Variants in SPIDR observed in about 807,000 individuals in gnomAD.
The protein encoded by SPIDR is scaffold protein involved in DNA repair.
A neutral mutation model predicts 104.6 loss-of-function variants in SPIDR; 93 were observed. The ratio of observed to expected loss-of-function variants is 0.89; its 90% CI spans 0.75 to 1.06. The LOEUF (loss-of-function observed/expected upper bound fraction) is 1.06. Ranked by LOEUF, SPIDR falls within the 50% of genes least tolerant of loss-of-function variation. The probability of loss-of-function intolerance (pLI) is 0.00; values close to 1 mark genes in which losing one functional copy is unlikely to be tolerated. For synonymous variants in SPIDR, 431 were observed against 416.9 expected (o/e 1.03, Z -0.41); for missense variants, 1,154 against 1,111.2 (o/e 1.04, Z -0.55).
intron 19 of SPIDR, among the ~76,000 whole-genome samples, chr8:47,731,056 G>C (rs978927741): frequency 6.6e-6 from 1 of 151,980 alleles, no homozygotes; most frequent in Non-Finnish European, 1.5e-5. Context: ...TCAGGAGTTC[G>C]AGACCAGCCT....
At chr8:47,465,946 A>G (rs2074705010) in intron 8 of SPIDR, among the ~76,000 whole-genome samples, 1 of 152,210 alleles carries the variant, frequency 6.6e-6, no homozygotes, top group Non-Finnish European at 1.5e-5. Flanking sequence ...CATAATGGTA[A>G]AGGGTTCAAT....
intron 8 of SPIDR, among the ~76,000 whole-genome samples, chr8:47,504,505 T>C (rs1482689868): frequency 6.6e-6 from 1 of 152,220 alleles, no homozygotes; most frequent in Non-Finnish European, 1.5e-5. Context: ...TAAGGACTTC[T>C]CTGCATTGGT....
At chr8:47,676,882 G>A (rs376035749) in intron 11 of SPIDR, among the ~76,000 whole-genome samples, 2 of 152,348 alleles carry the variant, frequency 1.3e-5, no homozygotes, top group South Asian at 2.1e-4. Flanking sequence ...AGGGAGCACC[G>A]CTCCAGCCAC....
intron 8 of SPIDR, among the ~76,000 whole-genome samples, chr8:47,576,871 G>A (rs1296081377): frequency 6.6e-6 from 1 of 152,096 alleles, no homozygotes; most frequent in East Asian, 1.9e-4. Context: ...TGATATTATG[G>A]CTTGTATGTG....
intron 7 of SPIDR, among the ~76,000 whole-genome samples, chr8:47,434,961 G>A (rs1554691301): frequency 3.3e-5 from 5 of 151,852 alleles, no homozygotes; most frequent in African/African-American, 1.2e-4. Context: ...ATTGTTTTGT[G>A]TTTCTTTTTT....
At chr8:47,553,724 G>A (rs1371398632) in intron 8 of SPIDR, among the ~76,000 whole-genome samples, 3 of 152,132 alleles carry the variant, frequency 2.0e-5, no homozygotes, top group East Asian at 1.9e-4. Flanking sequence ...TTGTTGTTAC[G>A]ATCATCTGAA....
chr8:47,627,223 C>T (rs1275700901), intron 10 of SPIDR, among the ~76,000 whole-genome samples: 1 of 152,060 alleles, frequency 6.6e-6, no homozygotes, highest in Non-Finnish European at 1.5e-5. Flanking sequence ...GAAGATCACA[C>T]TCTGGGGACT....
intron 11 of SPIDR, among the ~76,000 whole-genome samples, chr8:47,691,706 C>A (rs2078680877): frequency 1.3e-5 from 2 of 152,232 alleles, no homozygotes; most frequent in South Asian, 4.1e-4. Flanking sequence ...CAGGTGCTGT[C>A]TCTGTCCTCT....
intron 5 of SPIDR, among the ~76,000 whole-genome samples, chr8:47,385,443 G>A (rs947223348): frequency 2.6e-5 from 4 of 152,176 alleles, no homozygotes; most frequent in Non-Finnish European, 4.4e-5. Flanking sequence ...AGTATGCTAC[G>A]CTATGCCTTC....
At chr8:47,350,417 G>A (rs1340799236) in intron 5 of SPIDR, among the ~76,000 whole-genome samples, 1 of 152,180 alleles carries the variant, frequency 6.6e-6, no homozygotes, top group Non-Finnish European at 1.5e-5. Flanking sequence ...GGGTTCAAGC[G>A]ATTCTTCTGC....
At chr8:47,702,434 C>T (rs763259287) in intron 14 of SPIDR, among the ~76,000 whole-genome samples, 1 of 152,140 alleles carries the variant, frequency 6.6e-6, no homozygotes, top group Non-Finnish European at 1.5e-5. Flanking sequence ...AAGTGGGAAT[C>T]TCAGGATCGA....
At chr8:47,663,979 T>A (rs752552098) in intron 10 of SPIDR, among the ~76,000 whole-genome samples, 24 of 152,222 alleles carry the variant, frequency 1.6e-4, no homozygotes, top group Admixed American at 7.2e-4. Flanking sequence ...AGAAACATTC[T>A]ATGAATGGAA....
intron 8 of SPIDR, among the ~76,000 whole-genome samples, chr8:47,576,833 A>G (rs1293723150): frequency 6.6e-6 from 1 of 152,236 alleles, no homozygotes; most frequent in African/African-American, 2.4e-5. Flanking sequence ...ACCTGTATAC[A>G]AGATAAAATG....
intron 7 of SPIDR, 93 bp from the exon 8 acceptor site, chr8:47,440,230 G>A: frequency 1.7e-5 from 19 of 1,095,742 alleles, no homozygotes; most frequent in Non-Finnish European, 2.0e-5. Flanking sequence ...AGTGCTATCT[G>A]CATGTGGATC....
chr8:47,389,494 C>T (rs1170223873), intron 5 of SPIDR, among the ~76,000 whole-genome samples: 4 of 151,822 alleles, frequency 2.6e-5, no homozygotes, highest in Non-Finnish European at 1.5e-5. Flanking sequence ...TCAAGACCAT[C>T]CTGGCTAACA....
intron 11 of SPIDR, among the ~76,000 whole-genome samples, chr8:47,686,970 C>T (rs2077911011): frequency 6.6e-6 from 1 of 150,774 alleles, no homozygotes; most frequent in Non-Finnish European, 1.5e-5. Context: ...TACTTAGATA[C>T]TTATTAACAA....
At chr8:47,654,278 G>A (rs995956966) in intron 10 of SPIDR, 3 of 811,180 alleles carry the variant, frequency 3.7e-6, no homozygotes, top group Non-Finnish European at 5.3e-6. Context: ...ATCCATGTAG[G>A]TGGCAGGAAG....
intron 10 of SPIDR, chr8:47,654,198 C>A (rs892146310): frequency 3.0e-5 from 38 of 1,282,332 alleles, no homozygotes; most frequent in Non-Finnish European, 3.9e-5. Context: ...ACTGTAGCAG[C>A]AACCTGCAGG....
chr8:47,401,328 G>C (rs1327344826), intron 6 of SPIDR, among the ~76,000 whole-genome samples: 2 of 152,144 alleles, frequency 1.3e-5, no homozygotes, highest in Non-Finnish European at 2.9e-5. Context: ...AGCTCCTGAA[G>C]AAAGCACTAA....
Sources: gnomAD v4.1 joint callset for allele counts (sites outside exome capture counted in the v4.1 genomes callset) on GRCh38, gnomAD v4.1.1 for gene constraint, MANE v1.5 for transcripts, NCBI Gene and HGNC (gene_info 2026-07-23, HGNC 2026-07-21) for gene names.